The following WASF3 variants were observed in gnomAD, a reference collection of about 807,000 sequenced individuals.
WASF3 encodes the protein actin-binding protein WASF3.
A neutral mutation model predicts 46.6 loss-of-function variants in WASF3; 11 were observed. That is an observed-to-expected ratio of 0.24 (90% confidence interval 0.15 to 0.39). The LOEUF (loss-of-function observed/expected upper bound fraction) is 0.39. WASF3 is among the 10% of genes least tolerant of loss of function. The pLI is 1.00. For synonymous variants in WASF3, 242 were observed against 259.7 expected, an observed-to-expected ratio of 0.93 and a Z score of 0.65; for missense variants, 576 against 669.8, an observed-to-expected ratio of 0.86 and a Z score of 1.55.
the WASF3 span, among the ~76,000 whole-genome samples, chr13:26,540,638 C>T: frequency 4.6e-5 from 7 of 152,202 alleles, no homozygotes; most frequent in African/African-American, 1.2e-4. Flanking sequence ...ATGCCCCTCC[C>T]GCCCCATCTG....
rs571699657 is a variant in WASF3, at chr13:26,584,312, T to G, written c.-109+26493T>G. On this transcript the variant is annotated intron_variant, in intron 1 of 9. Coordinates refer to ENST00000335327, the MANE Select transcript of WASF3 (RefSeq NM_006646.6). Reference sequence around the variant, plus strand: ...TGAAAATTCCTGACTGTGGCAAATGTGAAAGAGTGTCTTTTTAATTCCTGG... The same window carrying G: ...TGAAAATTCCTGACTGTGGCAAATGGGAAAGAGTGTCTTTTTAATTCCTGG... 2.0e-5 allele frequency among the ~76,000 whole-genome samples: 3 copies of G among 152,366 alleles called. No homozygotes were observed. In the East Asian group the frequency reaches 5.8e-4, roughly 29 times the overall value.
chr13:26,630,549 C>T (rs1230791064), intron 2 of WASF3, among the ~76,000 whole-genome samples: 2 of 152,192 alleles, frequency 1.3e-5, no homozygotes, highest in African/African-American at 4.8e-5. Flanking sequence ...TTTCTTAATC[C>T]AGTCTATCAT....
At chr13:26,605,985 G>T (rs1880783492) in intron 1 of WASF3, among the ~76,000 whole-genome samples, 1 of 152,250 alleles carries the variant, frequency 6.6e-6, no homozygotes, top group South Asian at 2.1e-4. Flanking sequence ...ATTCCTTTCT[G>T]TGTGAAACCC....
chr13:26,565,404 A>G (rs1259553253), intron 1 of WASF3, among the ~76,000 whole-genome samples: 1 of 152,136 alleles, frequency 6.6e-6, no homozygotes, highest in Non-Finnish European at 1.5e-5. Context: ...CTGACTTTAC[A>G]TGCCTTCAAA....
chr13:26,577,687 C>G, intron 1 of WASF3: 7 of 995,414 alleles, frequency 7.0e-6, no homozygotes, highest in South Asian at 6.9e-5. Flanking sequence ...AAAGTTCAGA[C>G]TTATAATAAT....
At chr13:26,541,581 T>G in the WASF3 span, among the ~76,000 whole-genome samples, 2 of 152,122 alleles carry the variant, frequency 1.3e-5, no homozygotes, top group African/African-American at 4.8e-5. Flanking sequence ...AGAACACACC[T>G]GGCCCTGTAA....
intron 1 of WASF3, among the ~76,000 whole-genome samples, chr13:26,602,424 T>A (rs1490998117): frequency 6.6e-6 from 1 of 152,252 alleles, no homozygotes; most frequent in East Asian, 1.9e-4. Context: ...TCTTCTCTCA[T>A]AAATTGTAGT....
chr13:26,540,719 A>G, the WASF3 span, among the ~76,000 whole-genome samples: 64 of 152,248 alleles, frequency 4.2e-4, 1 homozygote, highest in African/African-American at 1.5e-3. Context: ...TGTTTGGCCA[A>G]TTCCAGGGTT....
chr13:26,577,033 A>G (rs9319306), intron 1 of WASF3: 247,104 of 716,926 alleles, frequency 0.34, 45,693 homozygotes, highest in East Asian at 0.6. Flanking sequence ...GATGCTAGTC[A>G]CCAGGACCCA....
Position 26,642,266 on chromosome 13 carries a change from G to T in WASF3, c.-5G>T. 6.4e-7 allele frequency: 1 copy of T among 1,553,706 alleles called. No individual in the cohort carries two copies. The highest frequency in any genetic ancestry group is 1.2e-5 in the South Asian group (1 of 81,316). ...AATGTGTTTTCAATTTTCAGATTGT[G>T]AACCATGCCTTTAGTGAAGAGGAAC... is the stretch of plus-strand genomic sequence containing the variant. On this transcript the variant is annotated 5_prime_UTR_variant, in exon 3 of 10. Transcript: ENST00000335327.
intron 3 of WASF3, among the ~76,000 whole-genome samples, chr13:26,663,661 A>G (rs1882694400): frequency 6.6e-6 from 1 of 152,244 alleles, no homozygotes. Flanking sequence ...CACAGAATCT[A>G]TGAAATTATA....
chr13:26,564,900 G>T (rs1162640818), intron 1 of WASF3, among the ~76,000 whole-genome samples: 52 of 81,642 alleles, frequency 6.4e-4, no homozygotes, highest in East Asian at 3.4e-3. Context: ...CAAGGTTGTG[G>T]TTTTTTTTTT....
intron 2 of WASF3, among the ~76,000 whole-genome samples, chr13:26,634,213 G>A (rs1881745127): frequency 6.6e-6 from 1 of 152,168 alleles, no homozygotes; most frequent in African/African-American, 2.4e-5. Flanking sequence ...AGCTCTTCTT[G>A]TTGAAGTGAT....
intron 6 of WASF3, among the ~76,000 whole-genome samples, chr13:26,675,462 CT>C (rs1883035697): frequency 6.7e-6 from 1 of 148,340 alleles, no homozygotes; most frequent in South Asian, 2.2e-4. Flanking sequence ...GCCTCCCTGA[CT>C]TCCAGACTAG....
chr13:26,559,924 T>A lies in WASF3; in HGVS notation c.-109+2105T>A, dbSNP rs184646812. On this transcript the variant is annotated intron_variant, in intron 1 of 9. Transcript: ENST00000335327. The stretch of plus-strand genomic sequence containing the variant: ...CCTCCGCCTCCTGGGTTCAAGCGAT[T>A]CTCCTGCCTCAGACTCCCGAGTAGC... Among the ~76,000 whole-genome samples the A allele has an allele frequency of 3.7e-3, 546 of 148,934 alleles. 2 individuals carry two copies. Among genetic ancestry groups the A allele is most frequent in the Non-Finnish European group, 6.4e-3 (432 of 67,498 alleles).
chr13:26,608,276 C>G (rs1284350403), intron 1 of WASF3, among the ~76,000 whole-genome samples: 1 of 152,090 alleles, frequency 6.6e-6, no homozygotes, highest in Non-Finnish European at 1.5e-5. Context: ...AAAATATTAT[C>G]TTACGATTCT....
intron 1 of WASF3, among the ~76,000 whole-genome samples, chr13:26,558,106 G>A (rs1333412582): frequency 6.6e-6 from 1 of 151,740 alleles, no homozygotes; most frequent in Non-Finnish European, 1.5e-5. Flanking sequence ...CCGGGCCTCC[G>A]GCCCTTTGCC....
At chr13:26,562,525 AAAGGGGG>A (rs2137139384) in intron 1 of WASF3, among the ~76,000 whole-genome samples, 1 of 152,214 alleles carries the variant, frequency 6.6e-6, no homozygotes, top group South Asian at 2.1e-4. Flanking sequence ...GAGGGCAGAT[AAAGGGGG>A]AACCCTTTGG....
At chr13:26,595,800 G>A (rs957672860) in intron 1 of WASF3, among the ~76,000 whole-genome samples, 1 of 152,142 alleles carries the variant, frequency 6.6e-6, no homozygotes, top group Non-Finnish European at 1.5e-5. Flanking sequence ...TTTGAGGTCT[G>A]TCCGGGTTGT....
Sources: allele counts gnomAD v4.1 joint callset (sites outside exome capture counted in the v4.1 genomes callset), GRCh38; gene constraint gnomAD v4.1.1; transcripts MANE v1.5; gene names NCBI Gene and HGNC (gene_info 2026-07-23, HGNC 2026-07-21).